Variants in ZNF257 observed in about 807,000 individuals in gnomAD.
ZNF257 encodes zinc finger protein 257, also known as bone marrow zinc finger 4.
Under a neutral mutation model 11.9 loss-of-function variants are expected in ZNF257, and 12 were observed. The ratio of observed to expected loss-of-function variants is 1.01; its 90% CI spans 0.65 to 1.63. The LOEUF (loss-of-function observed/expected upper bound fraction) is 1.63. Ranked by LOEUF, ZNF257 falls within the 40% of genes most tolerant of loss-of-function variation. The probability of loss-of-function intolerance (pLI) is 0.00; values close to 1 mark genes in which losing one functional copy is unlikely to be tolerated. For synonymous variants in ZNF257, 183 were observed against 222.7 expected (o/e 0.82, Z 1.59); for missense variants, 580 against 665.5 (o/e 0.87, Z 1.41).
At chr19:22,060,907 T>C (rs1261626718) in intron 1 of ZNF257, among the ~76,000 whole-genome samples, 1 of 83,540 alleles carries the variant, frequency 1.2e-5, no homozygotes, top group African/African-American at 7.2e-5. Context: ...ATTCCTCTTG[T>C]CAGTTTGTCA....
At position 22,062,488 on chromosome 19, in the gene ZNF257, T is replaced by C. The variant is rs558572619; in HGVS notation, c.3+9853T>C. The stretch of plus-strand genomic sequence containing the variant: ...GGCCTGAAGTTTTCTTTCTTTCTTT[T>C]TTTTTTTTTTTGAGACAGAGTTTCC... On this transcript the variant is annotated intron_variant, in intron 1 of 3. Coordinates refer to ENST00000594947, the MANE Select transcript of ZNF257 (RefSeq NM_033468.4). 1.3e-4 allele frequency among the ~76,000 whole-genome samples: 20 copies of C among 150,282 alleles called. 1 individual carries two copies. In the South Asian group the frequency reaches 3.3e-3, roughly 25 times the overall value.
At position 22,090,557 on chromosome 19, in the gene ZNF257, A is replaced by T. The variant is rs1016364394; in HGVS notation, c.*1115A>T. 3.9e-5 allele frequency: 6 copies of T among 152,172 alleles called. No individual in the cohort carries two copies. Among genetic ancestry groups the T allele is most frequent in the African/African-American group, 1.4e-4 (6 of 41,434 alleles). 9.4% of individuals were successfully genotyped at this position (152,172 alleles called of 1,614,324 possible). A position where few individuals can be genotyped will look rare whatever the true frequency, so the allele number is the denominator to read the frequency against. On this transcript the variant is annotated 3_prime_UTR_variant, in exon 4 of 4. Transcript: ENST00000594947. The stretch of plus-strand genomic sequence containing the variant: ...TTTATATAATTATCAGAGAATTAAC[A>T]GTAGAAATAGCTAAGGCACTGACAC...
At chr19:22,083,955 C>A (rs1392716713) in intron 3 of ZNF257, among the ~76,000 whole-genome samples, 2 of 152,044 alleles carry the variant, frequency 1.3e-5, no homozygotes, top group Non-Finnish European at 2.9e-5. Context: ...GCCTGGCCAA[C>A]ATGGTGAAAC....
At chr19:22,069,117 C>G (rs1292448848) in intron 1 of ZNF257, among the ~76,000 whole-genome samples, 1 of 152,032 alleles carries the variant, frequency 6.6e-6, no homozygotes, top group South Asian at 2.1e-4. Flanking sequence ...TCTGGAGATT[C>G]GAACAGTTAA....
chr19:22,055,495 C>T (rs748376492), intron 1 of ZNF257, among the ~76,000 whole-genome samples: 2 of 151,902 alleles, frequency 1.3e-5, no homozygotes, highest in African/African-American at 2.4e-5. Flanking sequence ...CGTGAGCCAC[C>T]GTGCCTGGCC....
chr19:22,084,719 A>T (rs909645327), intron 3 of ZNF257, among the ~76,000 whole-genome samples: 10 of 147,784 alleles, frequency 6.8e-5, no homozygotes, highest in South Asian at 4.4e-4. Context: ...ATAGAAAGTA[A>T]TCTATAAAAT....
chr19:22,059,650 T>TC (rs1244505179), intron 1 of ZNF257, among the ~76,000 whole-genome samples: 1 of 151,044 alleles, frequency 6.6e-6, no homozygotes, highest in Non-Finnish European at 1.5e-5. Flanking sequence ...TTTCTTTTTT[T>TC]TTTTTTTTTA....
At chr19:22,067,479 TA>T (rs55910414) in intron 1 of ZNF257, among the ~76,000 whole-genome samples, 22,989 of 150,952 alleles carry the variant, frequency 0.15, 1,940 homozygotes, top group Admixed American at 0.22. Flanking sequence ...TTTTGGAAAA[TA>T]AAAAAAAACG....
intron 3 of ZNF257, among the ~76,000 whole-genome samples, chr19:22,078,773 C>T (rs1209350905): frequency 6.6e-6 from 1 of 150,656 alleles, no homozygotes; most frequent in Non-Finnish European, 1.5e-5. Context: ...TCACTGTTGA[C>T]ACCCAGTTTT....
chr19:22,068,457 C>G (rs2022019315), intron 1 of ZNF257, among the ~76,000 whole-genome samples: 1 of 152,118 alleles, frequency 6.6e-6, no homozygotes, highest in Non-Finnish European at 1.5e-5. Context: ...GAGCTGATCT[C>G]TGCCTGAGAT....
intron 3 of ZNF257, chr19:22,087,592 A>G: frequency 8.1e-7 from 1 of 1,229,630 alleles, no homozygotes; most frequent in Non-Finnish European, 1.0e-6. Flanking sequence ...CCAGACATAG[A>G]AATGTATGTG....
rs555828485 is a variant in ZNF257, at chr19:22,088,015, C to T, written c.265C>T (p.Arg89Ter). ...TATTGCTGAAGACCTTTGCCCAGAG[C>T]GAGACATAAAATATTTTTTCCAAAA... is the stretch of plus-strand genomic sequence containing the variant. The part of the protein sequence containing the change: ...SHIAEDLCPE[R>*]DIKYFFQKVI... The change falls in exon 4 of 4, where the codon CGA (arginine) becomes TGA (stop). Residue 89 changes from arginine to a stop codon, truncating the protein, a stop_gained. Transcript: ENST00000594947. LOFTEE classifies it low-confidence loss of function (END_TRUNC). 1.6e-4 allele frequency: 247 copies of T among 1,549,756 alleles called. 7 individuals are homozygous for T. In the South Asian group the frequency reaches 2.8e-3, roughly 17 times the overall value.
chr19:22,069,467 T>C (rs1344218495), intron 1 of ZNF257, among the ~76,000 whole-genome samples: 1 of 151,588 alleles, frequency 6.6e-6, no homozygotes, highest in Non-Finnish European at 1.5e-5. Flanking sequence ...AATAAAAAAT[T>C]AGCTGGGCGT....
chr19:22,065,970 TTTC>T (rs2021934612), intron 1 of ZNF257: 1 of 152,226 alleles, frequency 6.6e-6, no homozygotes, highest in African/African-American at 2.4e-5. Context: ...AATGCTCATG[TTTC>T]TCATGCTGAG....
Position 22,089,428 on chromosome 19 carries a change from A to G in ZNF257, c.1678A>G (p.Lys560Glu). 1 of 1,607,828 alleles carries G rather than the reference A, an allele frequency of 6.2e-7. No homozygotes were observed. Among genetic ancestry groups the G allele is most frequent in the Admixed American group, 1.7e-5 (1 of 58,978 alleles). Reference sequence around the variant, plus strand: ...TTGTAACCATTCCTCAAACCTTACTAAACATAATTCATAATGGAGAAAAAC... The same window carrying G: ...TTGTAACCATTCCTCAAACCTTACTGAACATAATTCATAATGGAGAAAAAC... ...KACNHSSNLT[K>E]HNS Residue 560 changes from lysine to glutamate, a missense_variant, in exon 4 of 4, where the codon AAA becomes GAA. Lys to Glu is a moderately conservative substitution (Grantham distance 56). Transcript: ENST00000594947.
chr19:22,065,797 A>G (rs1319834944), intron 1 of ZNF257: 1 of 152,212 alleles, frequency 6.6e-6, no homozygotes, highest in Non-Finnish European at 1.5e-5. Flanking sequence ...ATTCTACTAT[A>G]TGAACAGAGA....
At chr19:22,078,792 C>CTTTTT (rs376822565) in intron 3 of ZNF257, among the ~76,000 whole-genome samples, 19 of 132,990 alleles carry the variant, frequency 1.4e-4, no homozygotes, top group African/African-American at 1.7e-4. Flanking sequence ...TTCTTTCTTT[C>CTTTTT]TTTTTTTTTT....
intron 1 of ZNF257, among the ~76,000 whole-genome samples, chr19:22,068,339 A>G (rs1450155847): frequency 2.0e-5 from 3 of 151,986 alleles, no homozygotes; most frequent in African/African-American, 7.3e-5. Context: ...ATTACTTAGG[A>G]TGTGCTAGAA....
chr19:22,083,863 G>A (rs910724262), intron 3 of ZNF257, among the ~76,000 whole-genome samples: 8 of 152,072 alleles, frequency 5.3e-5, no homozygotes, highest in African/African-American at 9.7e-5. Flanking sequence ...GATGTGGTCC[G>A]GTGTGGTAGC....
Sources: gnomAD v4.1 joint callset for allele counts (sites outside exome capture counted in the v4.1 genomes callset) on GRCh38, gnomAD v4.1.1 for gene constraint, MANE v1.5 for transcripts, NCBI Gene and HGNC (gene_info 2026-07-23, HGNC 2026-07-21) for gene names.